SDR9C7: variants seen among roughly 807,000 people sequenced by gnomAD.
SDR9C7 encodes the protein short chain dehydrogenase/reductase family 9C member 7, also known as short-chain dehydrogenase/reductase family 9C member 7.
SDR9C7 carries 11 observed loss-of-function variants against 23.6 expected under a neutral mutation model. The ratio of observed to expected loss-of-function variants is 0.47; its 90% CI spans 0.29 to 0.77. The LOEUF (loss-of-function observed/expected upper bound fraction) is 0.77, where lower values mean the gene tolerates loss of function less well. Ranked by LOEUF, SDR9C7 falls within the 30% of genes least tolerant of loss-of-function variation. The probability of loss-of-function intolerance (pLI) is 0.09; values close to 1 mark genes in which losing one functional copy is unlikely to be tolerated. For synonymous variants in SDR9C7, 167 were observed against 157.3 expected (o/e 1.06, Z -0.46); for missense variants, 387 against 407.1 (o/e 0.95, Z 0.42).
intron 1 of SDR9C7, among the ~76,000 whole-genome samples, chr12:56,932,795 T>C (rs1392814094): frequency 6.6e-6 from 1 of 152,210 alleles, no homozygotes; most frequent in African/African-American, 2.4e-5. Flanking sequence ...CCAGGAAGCT[T>C]TATTCTAGCA....
intron 1 of SDR9C7, among the ~76,000 whole-genome samples, chr12:56,931,057 C>G (rs1009574618): frequency 2.0e-5 from 3 of 151,934 alleles, no homozygotes; most frequent in Admixed American, 2.0e-4. Flanking sequence ...CAGAGTAAGA[C>G]CCCTGTCTCT....
chr12:56,928,768 C>G (rs1370126105), intron 3 of SDR9C7, among the ~76,000 whole-genome samples: 1 of 152,176 alleles, frequency 6.6e-6, no homozygotes, highest in Non-Finnish European at 1.5e-5. Flanking sequence ...AAACAGCTGC[C>G]GTGTCCCACC....
Position 56,923,769 on chromosome 12 carries a change from G to A in SDR9C7, c.*64C>T, listed in dbSNP as rs1955713659. 7.6e-7 allele frequency: 1 copy of A among 1,312,948 alleles called. No individual in the cohort carries two copies. Among genetic ancestry groups the A allele is most frequent in the African/African-American group, 1.5e-5 (1 of 67,642 alleles). 81.3% of individuals were successfully genotyped at this position (1,312,948 alleles called of 1,614,324 possible). On this transcript the variant is annotated 3_prime_UTR_variant, in exon 4 of 4. Transcript: ENST00000293502. ...CAGGATAACCGATACCACCTTTTGT[G>A]ACCCCACGGTCCTTCCTTCCTCCCC...
chr12:56,933,687 C>T (rs1955780965), intron 1 of SDR9C7, among the ~76,000 whole-genome samples: 1 of 152,192 alleles, frequency 6.6e-6, no homozygotes. Context: ...GGTTTGGACA[C>T]ACAGAACACA....
chr12:56,925,892 G>A (rs1020044046), intron 3 of SDR9C7, among the ~76,000 whole-genome samples: 26 of 152,296 alleles, frequency 1.7e-4, no homozygotes, highest in African/African-American at 5.3e-4. Flanking sequence ...GGTGGGGAGG[G>A]CTTGCACAGG....
In SDR9C7 at chr12:56,924,064, G is replaced by A. The variant is rs961676582; in HGVS notation, c.725-14C>T. The A allele has an allele frequency of 1.3e-6, 2 of 1,568,902 alleles. No homozygotes were observed. The highest frequency in any genetic ancestry group is 3.4e-5 in the Admixed American group (2 of 58,860). On this transcript the variant is annotated splice_polypyrimidine_tract_variant and intron_variant, in intron 3 of 3. Transcript: ENST00000293502. ...ACTTGTCAGTATCTGTTTGAGGGCAGAGAGGGGAAAAAGGCTCTGTTATTC... is the reference window on the plus strand; with the variant it reads ...ACTTGTCAGTATCTGTTTGAGGGCAAAGAGGGGAAAAAGGCTCTGTTATTC...
rs1368597586 is a variant in SDR9C7, at chr12:56,933,610, G to A, written c.301+351C>T. Among the ~76,000 whole-genome samples the A allele has an allele frequency of 3.9e-5, 6 of 152,142 alleles. 1 individual carries two copies. The highest frequency in any genetic ancestry group is 3.3e-4 in the Admixed American group (5 of 15,274). On this transcript the variant is annotated intron_variant, in intron 1 of 3. Coordinates refer to ENST00000293502, the MANE Select transcript of SDR9C7 (RefSeq NM_148897.3). ...CTTGACCTCATGATCCTCCCACTTC[G>A]GCCTTCCAAAGTGCTGGGCTCATAG...
chr12:56,929,695 A>G (rs999268703), intron 2 of SDR9C7, 142 bp from the exon 3 acceptor site: 10 of 1,004,180 alleles, frequency 1.0e-5, no homozygotes, highest in African/African-American at 4.9e-5. Flanking sequence ...CTTTGTGCAA[A>G]TAAGCCCTTC....
chr12:56,924,049 A>G lies in SDR9C7; in HGVS notation c.726T>C (p.Tyr242=). ...GCATTATGTTTTTTAACTTGTCAGT[A>G]TCTGTTTGAGGGCAGAGAGGGGAAA... ...DSYGEDYFRI[Y]TDKLKNIMQV... is the part of the protein sequence containing the mutation. Residue 242 remains tyrosine, a splice_region_variant and synonymous_variant, in exon 4 of 4, where the codon TAT becomes TAC. Transcript: ENST00000293502. The G allele has an allele frequency of 6.2e-7, 1 of 1,607,944 alleles. No individual in the cohort carries two copies. The highest frequency in any genetic ancestry group is 8.5e-7 in the Non-Finnish European group (1 of 1,175,418).
intron 3 of SDR9C7, among the ~76,000 whole-genome samples, chr12:56,926,489 G>C (rs1356142195): frequency 6.6e-6 from 1 of 152,128 alleles, no homozygotes; most frequent in Non-Finnish European, 1.5e-5. Context: ...AGCATTTCAT[G>C]ATCTGACTCC....
rs776174214 is a variant in SDR9C7 at position 56,923,789 on chromosome 12, C to T, written c.*44G>A. 1.6e-5 allele frequency: 23 copies of T among 1,437,448 alleles called. No individual in the cohort carries two copies. In the South Asian group the frequency reaches 2.8e-4, roughly 18 times the overall value. 89.0% of individuals were successfully genotyped at this position (1,437,448 alleles called of 1,614,324 possible). A position where few individuals can be genotyped will look rare whatever the true frequency, so the allele number is the denominator to read the frequency against. On this transcript the variant is annotated 3_prime_UTR_variant, in exon 4 of 4. Coordinates refer to ENST00000293502, the MANE Select transcript of SDR9C7 (RefSeq NM_148897.3). ...TTTGTGACCCCACGGTCCTTCCTTC[C>T]TCCCCCACTTCTAGGCTCCACTGAC...
At chr12:56,925,812 G>A (rs1319574961) in intron 3 of SDR9C7, among the ~76,000 whole-genome samples, 3 of 152,208 alleles carry the variant, frequency 2.0e-5, no homozygotes, top group Non-Finnish European at 4.4e-5. Flanking sequence ...CGGCGCCAGG[G>A]AAAGCTTTGT....
chr12:56,933,353 C>CT (rs1007957361), intron 1 of SDR9C7, among the ~76,000 whole-genome samples: 12 of 151,438 alleles, frequency 7.9e-5, no homozygotes, highest in East Asian at 3.9e-4. Context: ...GAGGCACATC[C>CT]TTTTTTTTTC....
rs534622617 is a variant in SDR9C7, at chr12:56,934,145, G to C, written c.117C>G (p.Asn39Lys). The stretch of plus-strand genomic sequence containing the variant: ...GATCAACCAGCTGTTTGGCCAGCAG[G>C]TTCCCGAAGCCAGAGTCACAGCCTG... Reference protein sequence around the residue: ...FITGCDSGFGNLLAKQLVDRG... With the variant: ...FITGCDSGFGKLLAKQLVDRG... Residue 39 changes from asparagine (N) to lysine (K), a missense_variant, in exon 1 of 4, where the codon AAC (asparagine) becomes AAG (lysine). Coordinates refer to ENST00000293502, the MANE Select transcript of SDR9C7 (RefSeq NM_148897.3). 1.9e-6 allele frequency: 3 copies of C among 1,614,220 alleles called. No individual in the cohort carries two copies. In the South Asian group the frequency reaches 3.3e-5, roughly 18 times the overall value.
intron 3 of SDR9C7, among the ~76,000 whole-genome samples, chr12:56,928,677 G>T (rs916943399): frequency 6.6e-6 from 1 of 152,188 alleles, no homozygotes; most frequent in Non-Finnish European, 1.5e-5. Flanking sequence ...TGAAAAAAAT[G>T]GCTGACTTGG....
Position 56,923,847 on chromosome 12 carries a change from C to G in SDR9C7, c.928G>C (p.Ala310Pro). The G allele has an allele frequency of 1.9e-6, 3 of 1,608,870 alleles. No homozygotes were observed. Among genetic ancestry groups the G allele is most frequent in the Non-Finnish European group, 2.5e-6 (3 of 1,176,720 alleles). ...FILSRYLPRP[A>P]DSV ...TCCTCCCCAGTTTAGACACTGTCCG[C>G]TGGCCTTGGAAGGTACCGGCTTAGG... is the stretch of plus-strand genomic sequence containing the variant. Residue 310 changes from alanine to proline, a missense_variant, in exon 4 of 4, where the codon GCG becomes CCG. Ala to Pro is a conservative substitution (Grantham distance 27). Transcript: ENST00000293502.
chr12:56,928,438 T>C (rs1047678870), intron 3 of SDR9C7, among the ~76,000 whole-genome samples: 1 of 152,166 alleles, frequency 6.6e-6, no homozygotes, highest in African/African-American at 2.4e-5. Flanking sequence ...ACCCTGTTTC[T>C]CCTCTGTAGC....
chr12:56,927,359 A>G (rs1296643202), intron 3 of SDR9C7, among the ~76,000 whole-genome samples: 1 of 152,198 alleles, frequency 6.6e-6, no homozygotes, highest in Non-Finnish European at 1.5e-5. Context: ...CCAGCCTCCA[A>G]GCAGCTCCAC....
chr12:56,930,570 G>A, intron 1 of SDR9C7, 86 bp from the exon 2 acceptor site: 1 of 1,470,136 alleles, frequency 6.8e-7, no homozygotes, highest in Non-Finnish European at 9.2e-7. Flanking sequence ...GTGCCCTCAA[G>A]GATGGTTGAG....
Sources: allele counts gnomAD v4.1 joint callset (sites outside exome capture counted in the v4.1 genomes callset), GRCh38; gene constraint gnomAD v4.1.1; transcripts MANE v1.5; gene names NCBI Gene and HGNC (gene_info 2026-07-23, HGNC 2026-07-21).